Variants in BTBD9 observed in about 807,000 individuals in gnomAD.
BTBD9 encodes the protein BTB/POZ domain-containing protein 9.
A neutral mutation model predicts 64.3 loss-of-function variants in BTBD9; 49 were observed. The observed-to-expected ratio is 0.76, with a 90% CI of 0.61 to 0.97. The LOEUF is 0.97. BTBD9 is among the 50% of genes least tolerant of loss of function. The pLI, the probability that BTBD9 is intolerant of heterozygous loss-of-function variation, is 0.00. For missense variants in BTBD9, 598 were observed against 762.1 expected (o/e 0.78, Z 2.53); for synonymous variants, 260 against 274.7 (o/e 0.95, Z 0.53).
intron 6 of BTBD9, among the ~76,000 whole-genome samples, chr6:38,374,454 AATATTTTAACTTATTGT>A (rs1321854722): frequency 6.6e-6 from 1 of 150,584 alleles, no homozygotes; most frequent in Non-Finnish European, 1.5e-5. Context: ...TTTTAAATCA[AATATTTTAACTTATTGT>A]ATCCTAATAA....
At chr6:38,606,263 G>GA (rs1278781822) in intron 1 of BTBD9, among the ~76,000 whole-genome samples, 1 of 152,080 alleles carries the variant, frequency 6.6e-6, no homozygotes. Context: ...GTGATCGTGT[G>GA]AGTCAATACT....
chr6:38,427,913 A>T (rs1768247370), intron 6 of BTBD9, among the ~76,000 whole-genome samples: 1 of 152,008 alleles, frequency 6.6e-6, no homozygotes, highest in Admixed American at 6.5e-5. Context: ...CTTAACCTTC[A>T]TAGTTAGTTA....
At chr6:38,303,749 C>T (rs1358011371) in intron 7 of BTBD9, among the ~76,000 whole-genome samples, 2 of 150,834 alleles carry the variant, frequency 1.3e-5, no homozygotes, top group Non-Finnish European at 1.5e-5. Context: ...TCCTTTTCTA[C>T]AGACACATTT....
chr6:38,598,265 C>A, intron 1 of BTBD9, 144 bp from the exon 2 acceptor site: 1 of 594,084 alleles, frequency 1.7e-6, no homozygotes, highest in East Asian at 3.0e-5. Flanking sequence ...CCTTATTAAC[C>A]CATTTATTTT....
intron 4 of BTBD9, chr6:38,588,340 CCTA>C (rs1776637705): frequency 2.2e-6 from 2 of 928,650 alleles, no homozygotes. Flanking sequence ...AACTTTTCAG[CCTA>C]CTAATTATAC....
intron 1 of BTBD9, among the ~76,000 whole-genome samples, chr6:38,600,212 C>G (rs191844736): frequency 1.7e-4 from 26 of 152,252 alleles, no homozygotes; most frequent in Non-Finnish European, 3.4e-4. Context: ...ATACAATCTA[C>G]GTCAAATGAT....
At chr6:38,224,661 AAG>A (rs1225477895) in intron 9 of BTBD9, among the ~76,000 whole-genome samples, 3 of 152,228 alleles carry the variant, frequency 2.0e-5, no homozygotes, top group Non-Finnish European at 4.4e-5. Flanking sequence ...CAAGATCTAT[AAG>A]AGAGAGAATG....
chr6:38,183,428 C>T (rs1057041486), intron 10 of BTBD9, among the ~76,000 whole-genome samples: 1 of 152,186 alleles, frequency 6.6e-6, no homozygotes, highest in African/African-American at 2.4e-5. Flanking sequence ...GACACTGGGG[C>T]CACACAGCTG....
intron 9 of BTBD9, among the ~76,000 whole-genome samples, chr6:38,256,141 G>GT (rs776957939): frequency 2.0e-5 from 3 of 151,930 alleles, no homozygotes; most frequent in Non-Finnish European, 2.9e-5. Flanking sequence ...CATAAGGAAA[G>GT]TTTTTTCGCT....
chr6:38,265,441 G>T (rs563156553), intron 8 of BTBD9, among the ~76,000 whole-genome samples: 1 of 151,838 alleles, frequency 6.6e-6, no homozygotes, highest in Admixed American at 6.6e-5. Flanking sequence ...GGATATAACT[G>T]TGGAAAGCTG....
intron 1 of BTBD9, among the ~76,000 whole-genome samples, chr6:38,628,798 T>G (rs1778259986): frequency 6.6e-6 from 1 of 152,042 alleles, no homozygotes; most frequent in African/African-American, 2.4e-5. Context: ...CAATGATACC[T>G]CAGTAGCTCT....
chr6:38,587,730 T>C (rs1182596155), intron 4 of BTBD9: 6 of 669,008 alleles, frequency 9.0e-6, no homozygotes, highest in Non-Finnish European at 1.7e-5. Flanking sequence ...CTTCCACTAA[T>C]ATTCCTGAAA....
chr6:38,588,446 T>A, intron 4 of BTBD9: 2 of 815,794 alleles, frequency 2.5e-6, no homozygotes. Flanking sequence ...GTAAGTAGCA[T>A]GACCCCTCCT....
At chr6:38,439,913 G>T (rs1481500734) in intron 6 of BTBD9, among the ~76,000 whole-genome samples, 1 of 152,086 alleles carries the variant, frequency 6.6e-6, no homozygotes, top group Admixed American at 6.5e-5. Flanking sequence ...TCAAGAAGAG[G>T]GATATGACAG....
At chr6:38,237,063 C>T (rs1402007433) in intron 9 of BTBD9, among the ~76,000 whole-genome samples, 2 of 152,238 alleles carry the variant, frequency 1.3e-5, no homozygotes, top group Admixed American at 1.3e-4. Flanking sequence ...TGTAAAGGTG[C>T]AACTCACTTG....
At chr6:38,544,411 G>A (rs142982183) in intron 6 of BTBD9, among the ~76,000 whole-genome samples, 220 of 152,180 alleles carry the variant, frequency 1.4e-3, no homozygotes, top group African/African-American at 5.1e-3. Context: ...GTGTGTCAGT[G>A]AGTGTGTGTG....
At chr6:38,224,283 CTCTTTT>C (rs1419299243) in intron 9 of BTBD9, among the ~76,000 whole-genome samples, 1 of 152,194 alleles carries the variant, frequency 6.6e-6, no homozygotes, top group African/African-American at 2.4e-5. Context: ...TCTGCACGAC[CTCTTTT>C]TCTATGTTTT....
rs148593869 is a variant in BTBD9, at chr6:38,471,928, T to G, written c.1154+105672A>C. On this transcript the variant is annotated intron_variant, in intron 6 of 10. Transcript: ENST00000481247. ...AGCAATAATGATTGCCTCTTTTGAGTTGAATATATTTGCAATTTCAGGCCT... is the reference window on the plus strand; with the variant it reads ...AGCAATAATGATTGCCTCTTTTGAGGTGAATATATTTGCAATTTCAGGCCT... Among the ~76,000 whole-genome samples the G allele has an allele frequency of 5.1e-4, 77 of 152,300 alleles. 2 individuals are homozygous for G. The East Asian group carries it at 0.013, about 27-fold the overall frequency.
intron 6 of BTBD9, among the ~76,000 whole-genome samples, chr6:38,439,369 C>G (rs1277190507): frequency 6.6e-6 from 1 of 151,884 alleles, no homozygotes; most frequent in Non-Finnish European, 1.5e-5. Context: ...CTCCAGTGAT[C>G]TGCCTACCTC....
Sources: allele counts gnomAD v4.1 joint callset (sites outside exome capture counted in the v4.1 genomes callset), GRCh38; gene constraint gnomAD v4.1.1; transcripts MANE v1.5; gene names NCBI Gene and HGNC (gene_info 2026-07-23, HGNC 2026-07-21).